DPYD: variants seen among roughly 807,000 people sequenced by gnomAD.
DPYD encodes dihydropyrimidine dehydrogenase [NADP(+)].
In DPYD, 109 loss-of-function variants were observed where a neutral mutation model predicts 116.2. The observed-to-expected ratio is 0.94, with a 90% CI of 0.80 to 1.10. The LOEUF (loss-of-function observed/expected upper bound fraction) is 1.10, where lower values mean the gene tolerates loss of function less well. DPYD is among the 50% of genes least tolerant of loss of function. DPYD has a pLI of 0.00. For synonymous variants in DPYD, 440 were observed against 432.0 expected (o/e 1.02, Z -0.23); for missense variants, 1,302 against 1,254.5 (o/e 1.04, Z -0.57).
intron 8 of DPYD, among the ~76,000 whole-genome samples, chr1:97,675,764 T>G (rs1380392725): frequency 6.6e-6 from 1 of 151,862 alleles, no homozygotes; most frequent in African/African-American, 2.4e-5. Flanking sequence ...TTTTTTTTTT[T>G]TTGTAGACGG....
intron 18 of DPYD, among the ~76,000 whole-genome samples, chr1:97,238,956 G>A (rs1662136229): frequency 6.6e-6 from 1 of 152,160 alleles, no homozygotes. Flanking sequence ...GCCATTCTGA[G>A]TTCCCACGTT....
intron 18 of DPYD, among the ~76,000 whole-genome samples, chr1:97,250,791 G>A (rs914415114): frequency 6.6e-5 from 10 of 152,136 alleles, no homozygotes; most frequent in African/African-American, 1.2e-4. Flanking sequence ...TGACTAGCAA[G>A]CAACCCAAGA....
intron 13 of DPYD, among the ~76,000 whole-genome samples, chr1:97,465,807 T>C (rs184243385): frequency 1.3e-5 from 2 of 152,268 alleles, no homozygotes; most frequent in Admixed American, 1.3e-4. Flanking sequence ...TGTAGCTCGA[T>C]TATCTTGGGC....
chr1:97,503,578 A>G (rs1012448851), intron 13 of DPYD, among the ~76,000 whole-genome samples: 8 of 151,868 alleles, frequency 5.3e-5, no homozygotes, highest in Admixed American at 2.6e-4. Flanking sequence ...CTCCTACTCA[A>G]CCTTTCTTTC....
chr1:97,150,520 C>T (rs1654936447), intron 20 of DPYD, among the ~76,000 whole-genome samples: 1 of 152,166 alleles, frequency 6.6e-6, no homozygotes, highest in African/African-American at 2.4e-5. Flanking sequence ...CTTGGGCAAC[C>T]AGAACTATAA....
At chr1:97,813,425 CAGTA>C (rs1215656575) in intron 3 of DPYD, among the ~76,000 whole-genome samples, 4 of 151,938 alleles carry the variant, frequency 2.6e-5, no homozygotes, top group African/African-American at 4.8e-5. Context: ...AATATAATGC[CAGTA>C]AGTAATTTAA....
At chr1:97,211,949 A>G (rs1462233625) in intron 19 of DPYD, among the ~76,000 whole-genome samples, 1 of 152,170 alleles carries the variant, frequency 6.6e-6, no homozygotes, top group Non-Finnish European at 1.5e-5. Context: ...ACTTGCCTAC[A>G]GATTTTTCTC....
intron 13 of DPYD, among the ~76,000 whole-genome samples, chr1:97,487,280 A>AG (rs1272796366): frequency 6.6e-6 from 1 of 152,194 alleles, no homozygotes. Flanking sequence ...ATTAAAAAAA[A>AG]TATGGAGAAA....
chr1:97,767,239 C>T lies in DPYD; in HGVS notation c.234-26760G>A, dbSNP rs559316458. ...GGGTTTGGATTGGGCATATTTTTTC[C>T]TTTAGGAGAGACATGTATAACTGAG... On this transcript the variant is annotated intron_variant, in intron 3 of 22. Transcript: ENST00000370192. Among the ~76,000 whole-genome samples the T allele has an allele frequency of 2.6e-5, 4 of 152,152 alleles. No homozygotes were observed. In the South Asian group the frequency reaches 8.3e-4, roughly 32 times the overall value.
intron 13 of DPYD, among the ~76,000 whole-genome samples, chr1:97,467,332 C>A (rs1453574716): frequency 6.6e-6 from 1 of 152,148 alleles, no homozygotes; most frequent in Non-Finnish European, 1.5e-5. Context: ...CCACAAATTT[C>A]AAAACAAAGC....
chr1:97,624,347 A>C (rs948843346), intron 8 of DPYD, among the ~76,000 whole-genome samples: 1 of 152,034 alleles, frequency 6.6e-6, no homozygotes, highest in Non-Finnish European at 1.5e-5. Flanking sequence ...ATGACATACA[A>C]ATGGCCTAGA....
chr1:97,451,835 C>G (rs1280713035), intron 13 of DPYD, among the ~76,000 whole-genome samples: 1 of 152,076 alleles, frequency 6.6e-6, no homozygotes, highest in Non-Finnish European at 1.5e-5. Flanking sequence ...AAGAGCCATA[C>G]CCTTTAAACC....
intron 20 of DPYD, among the ~76,000 whole-genome samples, chr1:97,136,718 T>TC (rs1033151552): frequency 6.6e-6 from 1 of 152,108 alleles, no homozygotes; most frequent in African/African-American, 2.4e-5. Flanking sequence ...AGTCTGAACT[T>TC]CCCCAAAAAC....
chr1:97,417,272 A>C (rs975458051), intron 14 of DPYD, among the ~76,000 whole-genome samples: 4 of 152,116 alleles, frequency 2.6e-5, no homozygotes, highest in Admixed American at 1.3e-4. Context: ...GTTGGTTTTT[A>C]AAGCATTTCT....
chr1:97,787,518 G>A (rs377348199), intron 3 of DPYD, among the ~76,000 whole-genome samples: 14 of 152,136 alleles, frequency 9.2e-5, no homozygotes, highest in South Asian at 2.1e-4. Context: ...TCAACTTACC[G>A]TTAGGCAGAG....
In DPYD at chr1:97,195,594, ATGTGTG is replaced by A. The variant is rs372624396; in HGVS notation, c.2443-2352_2443-2347del. On this transcript the variant is annotated intron_variant, in intron 19 of 22. Coordinates refer to ENST00000370192, the MANE Select transcript of DPYD (RefSeq NM_000110.4). The stretch of plus-strand genomic sequence containing the variant: ...CATATATATATATATATATATATAT[ATGTGTG>A]TGTGTGTATATATATGTATGTGTAT... 7.9e-3 allele frequency among the ~76,000 whole-genome samples: 344 copies of A among 43,414 alleles called. 15 individuals carry two copies. The highest frequency in any genetic ancestry group is 0.037 in the African/African-American group (325 of 8,890). 28.5% of individuals were successfully genotyped at this position (43,414 alleles called of 152,430 possible).
At chr1:97,567,412 T>A (rs1293175912) in intron 11 of DPYD, among the ~76,000 whole-genome samples, 4 of 152,128 alleles carry the variant, frequency 2.6e-5, no homozygotes, top group Non-Finnish European at 2.9e-5. Context: ...CATTTAAGAT[T>A]CAGAACTATC....
chr1:97,479,991 C>A (rs1678207471), intron 13 of DPYD, among the ~76,000 whole-genome samples: 2 of 152,130 alleles, frequency 1.3e-5, no homozygotes, highest in African/African-American at 4.8e-5. Context: ...TTCTGGGAAA[C>A]TTTTTTTCCC....
chr1:97,171,791 T>C (rs1656741064), intron 20 of DPYD, among the ~76,000 whole-genome samples: 1 of 152,194 alleles, frequency 6.6e-6, no homozygotes, highest in Admixed American at 6.5e-5. Flanking sequence ...ACTCATAAAC[T>C]GATTCTAACA....
Sources: gnomAD v4.1 joint callset for allele counts (sites outside exome capture counted in the v4.1 genomes callset) on GRCh38, gnomAD v4.1.1 for gene constraint, MANE v1.5 for transcripts, NCBI Gene and HGNC (gene_info 2026-07-23, HGNC 2026-07-21) for gene names.